MAPK10: variants seen among roughly 807,000 people sequenced by gnomAD.
The protein encoded by MAPK10 is mitogen-activated protein kinase 10.
MAPK10 carries 25 observed loss-of-function variants against 59.3 expected under a neutral mutation model. That is an observed-to-expected ratio of 0.42 (90% confidence interval 0.31 to 0.59). MAPK10 has a LOEUF of 0.59. MAPK10 is among the 20% of genes least tolerant of loss of function. The pLI is 0.15. For synonymous variants in MAPK10, 190 were observed against 200.5 expected, an observed-to-expected ratio of 0.95 and a Z score of 0.44; for missense variants, 351 against 568.9, an observed-to-expected ratio of 0.62 and a Z score of 3.90.
In MAPK10 at chr4:86,238,539, T is replaced by C. The variant is rs144061997; in HGVS notation, c.-6-44132A>G. ...TATTTCCTTGAGCAGTGGTTTGTAG[T>C]TCTCTTTGAAGATATCCTTCACATC... is the stretch of plus-strand genomic sequence containing the variant. On this transcript the variant is annotated intron_variant, in intron 2 of 13. Coordinates refer to ENST00000641462, the MANE Select transcript of MAPK10 (RefSeq NM_138982.4). 9.6e-3 allele frequency among the ~76,000 whole-genome samples: 1,469 copies of C among 152,266 alleles called. 35 individuals carry two copies. The highest frequency in any genetic ancestry group is 0.034 in the African/African-American group (1,404 of 41,554).
At chr4:86,292,391 G>A (rs1201996933) in intron 2 of MAPK10, among the ~76,000 whole-genome samples, 1 of 152,100 alleles carries the variant, frequency 6.6e-6, no homozygotes, top group Non-Finnish European at 1.5e-5. Flanking sequence ...TTGGGTAAGT[G>A]AATGAGGAAA....
intron 2 of MAPK10, among the ~76,000 whole-genome samples, chr4:86,267,580 C>A (rs76021356): frequency 0.067 from 10,115 of 152,086 alleles, 980 homozygotes; most frequent in African/African-American, 0.22. Flanking sequence ...CCTCTCCTGG[C>A]CTCATCTGCT....
chr4:86,415,856 T>C (rs549944231), intron 1 of MAPK10, among the ~76,000 whole-genome samples: 2 of 152,356 alleles, frequency 1.3e-5, no homozygotes, highest in African/African-American at 4.8e-5. Flanking sequence ...GAGCGAACTA[T>C]GTACCTAAAT....
intron 4 of MAPK10, chr4:86,125,628 T>G (rs2059952422): frequency 6.6e-6 from 1 of 152,106 alleles, no homozygotes. Context: ...TACTGCTACA[T>G]TCCTACCTTT....
At chr4:86,524,433 A>C (rs938664102) in intron 1 of MAPK10, among the ~76,000 whole-genome samples, 7 of 152,202 alleles carry the variant, frequency 4.6e-5, no homozygotes, top group African/African-American at 7.2e-5. Context: ...AGTCCTGTAC[A>C]TTCTACCTCC....
At chr4:86,574,998 T>C (rs1259126781) in intron 1 of MAPK10, among the ~76,000 whole-genome samples, 2 of 152,212 alleles carry the variant, frequency 1.3e-5, no homozygotes, top group African/African-American at 4.8e-5. Context: ...TTGAATGAGA[T>C]GAGCACTTGA....
chr4:86,140,624 G>A (rs1489906272), intron 4 of MAPK10, among the ~76,000 whole-genome samples: 2 of 151,070 alleles, frequency 1.3e-5, no homozygotes, highest in African/African-American at 4.9e-5. Flanking sequence ...CATGGCACAT[G>A]TATACATATG....
At chr4:86,475,635 G>A (rs1157510591) in intron 1 of MAPK10, among the ~76,000 whole-genome samples, 1 of 152,146 alleles carries the variant, frequency 6.6e-6, no homozygotes, top group Non-Finnish European at 1.5e-5. Context: ...TTTCAGAGGT[G>A]TCTGACCACA....
chr4:86,320,093 C>A (rs1304554166), intron 2 of MAPK10, among the ~76,000 whole-genome samples: 2 of 152,190 alleles, frequency 1.3e-5, no homozygotes, highest in Non-Finnish European at 2.9e-5. Context: ...AGGCACGAAA[C>A]CTGGAGTCTA....
At chr4:86,554,973 C>T (rs888295073) in intron 1 of MAPK10, among the ~76,000 whole-genome samples, 3 of 152,208 alleles carry the variant, frequency 2.0e-5, no homozygotes, top group African/African-American at 7.2e-5. Context: ...TTCTTTTCTT[C>T]AGATGCCCTT....
chr4:86,245,657 A>G lies in MAPK10; in HGVS notation c.-6-51250T>C, dbSNP rs540463526. 3.3e-5 allele frequency among the ~76,000 whole-genome samples: 5 copies of G among 152,192 alleles called. No homozygotes were observed. In the South Asian group the frequency reaches 1.0e-3, roughly 32 times the overall value. On this transcript the variant is annotated intron_variant, in intron 2 of 13. Transcript: ENST00000641462. ...CCCACAGTGCCAATTCTTAATAAGG[A>G]GAACATATCTCTATCTTTAGTTATT...
intron 11 of MAPK10, among the ~76,000 whole-genome samples, chr4:86,055,656 T>C (rs193009187): frequency 6.7e-6 from 1 of 150,028 alleles, no homozygotes; most frequent in East Asian, 1.9e-4. Context: ...ATCTTTTCTA[T>C]TAATAAAAAG....
chr4:86,532,093 T>C (rs1025637614), intron 1 of MAPK10, among the ~76,000 whole-genome samples: 7 of 147,802 alleles, frequency 4.7e-5, no homozygotes, highest in East Asian at 1.9e-4. Context: ...CATATATATA[T>C]ACATACATAT....
intron 1 of MAPK10, among the ~76,000 whole-genome samples, chr4:86,511,601 A>G (rs576467016): frequency 4.6e-4 from 69 of 151,590 alleles, no homozygotes; most frequent in Non-Finnish European, 8.1e-4. Context: ...AGAAGAAGGA[A>G]GAAGAATACA....
intron 4 of MAPK10, among the ~76,000 whole-genome samples, chr4:86,151,818 G>T (rs539515447): frequency 3.3e-5 from 5 of 152,206 alleles, no homozygotes; most frequent in Non-Finnish European, 7.3e-5. Context: ...CTGATTATTT[G>T]CATTTTCTTC....
intron 3 of MAPK10, among the ~76,000 whole-genome samples, chr4:86,167,764 C>T (rs1216586214): frequency 1.3e-5 from 2 of 152,132 alleles, no homozygotes; most frequent in African/African-American, 4.8e-5. Flanking sequence ...CAATATCCCA[C>T]AACCCACAAC....
At chr4:86,569,537 T>C (rs1761305879) in intron 1 of MAPK10, among the ~76,000 whole-genome samples, 1 of 152,108 alleles carries the variant, frequency 6.6e-6, no homozygotes, top group Non-Finnish European at 1.5e-5. Flanking sequence ...ACTAGCAAGG[T>C]CATGGAATCA....
At chr4:86,236,180 C>G (rs1239547325) in intron 2 of MAPK10, among the ~76,000 whole-genome samples, 1 of 152,134 alleles carries the variant, frequency 6.6e-6, no homozygotes, top group East Asian at 1.9e-4. Flanking sequence ...TATAATGACC[C>G]TTGTGATTAT....
intron 1 of MAPK10, among the ~76,000 whole-genome samples, chr4:86,413,949 A>G (rs1365163484): frequency 1.3e-5 from 2 of 152,164 alleles, no homozygotes; most frequent in Admixed American, 1.3e-4. Flanking sequence ...TCCCAGTGAG[A>G]TGAACCAGGT....
Sources: gnomAD v4.1 joint callset for allele counts (sites outside exome capture counted in the v4.1 genomes callset) on GRCh38, gnomAD v4.1.1 for gene constraint, MANE v1.5 for transcripts, NCBI Gene and HGNC (gene_info 2026-07-23, HGNC 2026-07-21) for gene names.